The following DYNC1I2 variants were observed in gnomAD, a reference collection of about 807,000 sequenced individuals.
DYNC1I2 encodes cytoplasmic dynein 1 intermediate chain 2.
A neutral mutation model predicts 88.6 loss-of-function variants in DYNC1I2; 53 were observed. That is an observed-to-expected ratio of 0.60 (90% confidence interval 0.48 to 0.75). The LOEUF (loss-of-function observed/expected upper bound fraction) is 0.75, where lower values mean the gene tolerates loss of function less well. Ranked by LOEUF, DYNC1I2 falls within the 30% of genes least tolerant of loss-of-function variation. The probability of loss-of-function intolerance (pLI) is 0.00; values close to 1 mark genes in which losing one functional copy is unlikely to be tolerated. For missense variants in DYNC1I2, 458 were observed against 766.6 expected (o/e 0.60, Z 4.75); for synonymous variants, 198 against 254.6 (o/e 0.78, Z 2.12).
Position 171,737,907 on chromosome 2 carries a change from A to G in DYNC1I2, c.1537-6142A>G, listed in dbSNP as rs139579611. ...TGTTGTACAGATTATTCCATCACCC[A>G]GGTGCTCAGCCTAGTAACCATTTCC... On this transcript the variant is annotated intron_variant, in intron 15 of 17. Coordinates refer to ENST00000397119, the MANE Select transcript of DYNC1I2 (RefSeq NM_001378.3). 4.0e-3 allele frequency among the ~76,000 whole-genome samples: 612 copies of G among 152,012 alleles called. 6 individuals are homozygous for G. Among genetic ancestry groups the G allele is most frequent in the East Asian group, 0.031 (160 of 5,182 alleles).
chr2:171,710,422 G>A (rs1467695926), intron 5 of DYNC1I2, among the ~76,000 whole-genome samples: 4 of 152,254 alleles, frequency 2.6e-5, no homozygotes, highest in South Asian at 2.1e-4. Flanking sequence ...GCACCTGTAC[G>A]TGCAACTTCA....
At chr2:171,693,072 G>T in intron 3 of DYNC1I2, 178 bp downstream of exon 3, 1 of 568,098 alleles carries the variant, frequency 1.8e-6, no homozygotes, top group Non-Finnish European at 3.2e-6. Context: ...TATTTTATTT[G>T]TTCAAAAGAG....
At chr2:171,747,207 T>TTATAAA (rs1689849139) in intron 17 of DYNC1I2, among the ~76,000 whole-genome samples, 2 of 124,702 alleles carry the variant, frequency 1.6e-5, no homozygotes. Flanking sequence ...AAAAAAAAAA[T>TTATAAA]TATATATATA....
At chr2:171,703,293 T>A (rs1287404194) in intron 3 of DYNC1I2, among the ~76,000 whole-genome samples, 1 of 152,194 alleles carries the variant, frequency 6.6e-6, no homozygotes, top group Admixed American at 6.5e-5. Flanking sequence ...TGGAATACAG[T>A]GGTGCAACCA....
chr2:171,711,011 C>A (rs1297930622), intron 5 of DYNC1I2, among the ~76,000 whole-genome samples: 1 of 135,212 alleles, frequency 7.4e-6, no homozygotes, highest in Non-Finnish European at 1.6e-5. Flanking sequence ...AATGCTATCC[C>A]TCCCCCCTCC....
In DYNC1I2 at chr2:171,747,859, G is replaced by A; in HGVS notation, c.1887G>A (p.Glu629=). 2 of 1,611,026 alleles carry A rather than the reference G, an allele frequency of 1.2e-6. No individual in the cohort carries two copies. The highest frequency in any genetic ancestry group is 1.7e-6 in the Non-Finnish European group (2 of 1,179,330). The part of the protein sequence containing the change: ...AEINANRADA[E]EEAATRIPA ...TTAATGCAAACCGAGCTGATGCAGA[G>A]GAGGAAGCAGCTACCCGAATACCTG... Residue 629 remains glutamate, a synonymous_variant, in exon 18 of 18, where the codon GAG becomes GAA. Coordinates refer to ENST00000397119, the MANE Select transcript of DYNC1I2 (RefSeq NM_001378.3).
chr2:171,693,130 T>C (rs1685515177), intron 3 of DYNC1I2: 1 of 434,412 alleles, frequency 2.3e-6, no homozygotes, highest in Non-Finnish European at 4.2e-6. Flanking sequence ...TTGACTTCTC[T>C]TATTAAATCA....
intron 6 of DYNC1I2, 42 bp downstream of exon 6, chr2:171,712,868 T>A (rs1431976640): frequency 6.6e-7 from 1 of 1,520,334 alleles, no homozygotes; most frequent in African/African-American, 1.4e-5. Flanking sequence ...TATAATGAAT[T>A]TGATTCTTTG....
At chr2:171,692,646 G>C in intron 2 of DYNC1I2, 131 bp from the exon 3 acceptor site, 1 of 586,008 alleles carries the variant, frequency 1.7e-6, no homozygotes, top group Non-Finnish European at 3.0e-6. Flanking sequence ...ACTATAAAAA[G>C]AACTTAACCT....
intron 15 of DYNC1I2, among the ~76,000 whole-genome samples, chr2:171,736,402 CAT>C (rs1459588686): frequency 6.6e-6 from 1 of 152,176 alleles, no homozygotes; most frequent in Non-Finnish European, 1.5e-5. Context: ...CAATGAAAAA[CAT>C]AACTGCCAGA....
At chr2:171,743,874 A>G (rs1559410396) in intron 15 of DYNC1I2, among the ~76,000 whole-genome samples, 175 bp from the exon 16 acceptor site, 1 of 152,248 alleles carries the variant, frequency 6.6e-6, no homozygotes, top group Non-Finnish European at 1.5e-5. Context: ...TTAGTTTACA[A>G]TACCAGGTAA....
chr2:171,746,462 A>T (rs1689786710), intron 17 of DYNC1I2, among the ~76,000 whole-genome samples: 1 of 152,110 alleles, frequency 6.6e-6, no homozygotes, highest in Admixed American at 6.5e-5. Context: ...AAAGCCCAGG[A>T]TGGATTTCCT....
intron 1 of DYNC1I2, among the ~76,000 whole-genome samples, chr2:171,689,882 C>CTTTTTTTT (rs10716223): frequency 1.2e-3 from 64 of 54,132 alleles, no homozygotes; most frequent in Non-Finnish European, 1.5e-3. Context: ...TTTTTCTTGC[C>CTTTTTTTT]TTTTTTTTTT....
chr2:171,690,315 T>G (rs1685299540), intron 2 of DYNC1I2, 52 bp downstream of exon 2: 9 of 1,308,000 alleles, frequency 6.9e-6, no homozygotes, highest in Non-Finnish European at 9.5e-6. Flanking sequence ...TTGGGTTTTA[T>G]TTCACATATT....
chr2:171,705,347 A>G (rs1559372108), intron 3 of DYNC1I2, among the ~76,000 whole-genome samples: 1 of 152,122 alleles, frequency 6.6e-6, no homozygotes, highest in South Asian at 2.1e-4. Context: ...GGGGAAAAGC[A>G]TGTTAAACTG....
At chr2:171,725,361 A>G (rs1196455969) in intron 7 of DYNC1I2, among the ~76,000 whole-genome samples, 2 of 152,200 alleles carry the variant, frequency 1.3e-5, no homozygotes, top group Non-Finnish European at 2.9e-5. Context: ...TACAGAATTT[A>G]GGGTGGCTGT....
intron 5 of DYNC1I2, among the ~76,000 whole-genome samples, chr2:171,708,976 A>G (rs1484864117): frequency 8.5e-5 from 13 of 152,180 alleles, no homozygotes; most frequent in Non-Finnish European, 1.6e-4. Context: ...TATAGGCATG[A>G]GCCACTGCAC....
intron 5 of DYNC1I2, among the ~76,000 whole-genome samples, chr2:171,709,193 GA>G (rs1306812291): frequency 1.3e-5 from 2 of 152,090 alleles, no homozygotes; most frequent in Non-Finnish European, 2.9e-5. Context: ...TCCTGATTTT[GA>G]ATAGTAGATT....
chr2:171,707,235 G>A, intron 4 of DYNC1I2, 52 bp from the exon 5 acceptor site: 2 of 1,613,072 alleles, frequency 1.2e-6, no homozygotes, highest in Non-Finnish European at 1.7e-6. Context: ...GTCATAAGCT[G>A]AGCAACCTCT....
Sources: allele counts gnomAD v4.1 joint callset (sites outside exome capture counted in the v4.1 genomes callset), GRCh38; gene constraint gnomAD v4.1.1; transcripts MANE v1.5; gene names NCBI Gene and HGNC (gene_info 2026-07-23, HGNC 2026-07-21).